The following AP1S3 variants were observed in gnomAD, a reference collection of about 807,000 sequenced individuals.
AP1S3 encodes the protein adaptor related protein complex 1 subunit sigma 3.
Under a neutral mutation model 20.9 loss-of-function variants are expected in AP1S3, and 10 were observed. The observed-to-expected ratio is 0.48, with a 90% confidence interval of 0.29 to 0.81. The LOEUF (loss-of-function observed/expected upper bound fraction) is 0.81, where lower values mean the gene tolerates loss of function less well. Among genes scored for constraint, AP1S3 ranks in the 30% least tolerant of loss-of-function variants. The probability of loss-of-function intolerance (pLI) is 0.08; values close to 1 mark genes in which losing one functional copy is unlikely to be tolerated. For missense variants in AP1S3, 154 were observed against 183.8 expected, an observed-to-expected ratio of 0.84 and a Z score of 0.94; for synonymous variants, 41 against 61.5, an observed-to-expected ratio of 0.67 and a Z score of 1.56.
At chr2:223,810,200 G>A (rs965762560) in intron 1 of AP1S3, among the ~76,000 whole-genome samples, 2 of 152,138 alleles carry the variant, frequency 1.3e-5, no homozygotes, top group Non-Finnish European at 2.9e-5. Context: ...GTTGTCTTCT[G>A]ACAAAAGCAA....
At chr2:223,758,909 A>G (rs1289540201) in intron 4 of AP1S3, among the ~76,000 whole-genome samples, 159 bp from the exon 5 acceptor site, 1 of 152,264 alleles carries the variant, frequency 6.6e-6, no homozygotes, top group Non-Finnish European at 1.5e-5. Context: ...TCAAAGTTTG[A>G]GTATAATTTG....
intron 1 of AP1S3, among the ~76,000 whole-genome samples, chr2:223,834,612 C>G (rs1319184550): frequency 6.6e-6 from 1 of 151,530 alleles, no homozygotes; most frequent in Non-Finnish European, 1.5e-5. Context: ...AAATAAATAG[C>G]TGGGCATGGT....
intron 1 of AP1S3, among the ~76,000 whole-genome samples, chr2:223,798,848 G>A (rs1185704972): frequency 1.3e-5 from 2 of 152,234 alleles, no homozygotes; most frequent in African/African-American, 2.4e-5. Flanking sequence ...AAGGTGGGCA[G>A]ATCACCTGAG....
chr2:223,772,283 T>A (rs1191946029), intron 3 of AP1S3, among the ~76,000 whole-genome samples: 1 of 152,302 alleles, frequency 6.6e-6, no homozygotes, highest in Non-Finnish European at 1.5e-5. Flanking sequence ...ATTTTTCTCA[T>A]CTGCAAAACG....
chr2:223,818,422 C>A (rs1328146631), intron 1 of AP1S3, among the ~76,000 whole-genome samples: 63 of 141,558 alleles, frequency 4.5e-4, no homozygotes, highest in Admixed American at 7.0e-4. Context: ...GACTCCATCT[C>A]AAAAAAAAAA....
intron 1 of AP1S3, among the ~76,000 whole-genome samples, chr2:223,830,838 G>A (rs1692241143): frequency 6.6e-6 from 1 of 152,184 alleles, no homozygotes; most frequent in African/African-American, 2.4e-5. Flanking sequence ...AAGCTACTGA[G>A]AGCCAGGAAT....
chr2:223,762,579 T>G (rs1690386608), intron 4 of AP1S3, among the ~76,000 whole-genome samples: 1 of 151,880 alleles, frequency 6.6e-6, no homozygotes, highest in South Asian at 2.1e-4. Flanking sequence ...AGACAGAGGG[T>G]TTAATTTTCC....
intron 1 of AP1S3, among the ~76,000 whole-genome samples, chr2:223,828,047 A>G (rs62187862): frequency 0.51 from 69,603 of 136,808 alleles, 17,788 homozygotes; most frequent in Middle Eastern, 0.61. Flanking sequence ...GTACAAGAGC[A>G]AGACTTCATC....
chr2:223,818,452 T>C (rs1372782133), intron 1 of AP1S3, among the ~76,000 whole-genome samples: 1 of 150,638 alleles, frequency 6.6e-6, no homozygotes, highest in Non-Finnish European at 1.5e-5. Flanking sequence ...GGTTCCAAGA[T>C]AATGTGGAAG....
intron 1 of AP1S3, among the ~76,000 whole-genome samples, chr2:223,836,197 C>A (rs961319943): frequency 2.0e-5 from 3 of 152,194 alleles, no homozygotes; most frequent in African/African-American, 7.2e-5. Context: ...GTGCAGGTCA[C>A]TTCCCTTCTG....
intron 3 of AP1S3, among the ~76,000 whole-genome samples, chr2:223,770,726 C>CTTTTTT (rs1194728092): frequency 5.2e-5 from 4 of 76,624 alleles, no homozygotes; most frequent in African/African-American, 8.8e-5. Flanking sequence ...TAGACCAGTT[C>CTTTTTT]ATTTTTTTTT....
At chr2:223,784,660 G>A (rs74587067) in intron 1 of AP1S3, among the ~76,000 whole-genome samples, 3,999 of 152,152 alleles carry the variant, frequency 0.026, 186 homozygotes, top group African/African-American at 0.09. Context: ...AGTGTCAAGA[G>A]TCCTATAAGT....
chr2:223,800,295 G>A (rs80134271), intron 1 of AP1S3, among the ~76,000 whole-genome samples: 2 of 151,946 alleles, frequency 1.3e-5, no homozygotes, highest in Non-Finnish European at 2.9e-5. Context: ...AGCTTCAGGA[G>A]GCTGAGGCAA....
chr2:223,757,146 T>G lies in AP1S3; in HGVS notation c.*1569A>C. 1 of 306,928 alleles carries G rather than the reference T, an allele frequency of 3.3e-6. No individual in the cohort carries two copies. Among genetic ancestry groups the G allele is most frequent in the Non-Finnish European group, 4.8e-6 (1 of 209,970 alleles). 19.0% of individuals were successfully genotyped at this position (306,928 alleles called of 1,614,324 possible). A position where few individuals can be genotyped will look rare whatever the true frequency, so the allele number is the denominator to read the frequency against. On this transcript the variant is annotated 3_prime_UTR_variant, in exon 5 of 5. Coordinates refer to ENST00000396654, the MANE Select transcript of AP1S3 (RefSeq NM_001039569.2). ...CTGGGATTACAGGCACCTGCCACCA[T>G]GCCCGGCTAATTTTTTTGTTTGTTT...
chr2:223,760,362 C>T (rs2106074527), intron 4 of AP1S3, among the ~76,000 whole-genome samples: 1 of 152,334 alleles, frequency 6.6e-6, no homozygotes, highest in African/African-American at 2.4e-5. Context: ...AGGCTACTGG[C>T]CGAGCAAGAT....
chr2:223,777,372 G>A (rs2106090162), intron 2 of AP1S3, among the ~76,000 whole-genome samples: 1 of 152,232 alleles, frequency 6.6e-6, no homozygotes, highest in South Asian at 2.1e-4. Context: ...TCCAGCCTGG[G>A]TGACAGAGCA....
At chr2:223,780,290 TATATATATATATATATATAGAGAG>T (rs1690892775) in intron 1 of AP1S3, among the ~76,000 whole-genome samples, 3 of 42,946 alleles carry the variant, frequency 7.0e-5, no homozygotes, top group Non-Finnish European at 1.2e-4. Flanking sequence ...TATATATATA[TATATATATATATATATATAGAGAG>T]AGAGAGAGAG....
intron 4 of AP1S3, among the ~76,000 whole-genome samples, chr2:223,762,861 A>G (rs913940578): frequency 6.6e-6 from 1 of 152,176 alleles, no homozygotes; most frequent in African/African-American, 2.4e-5. Flanking sequence ...CTGTTCTCAC[A>G]GCTAAAGCAA....
chr2:223,805,049 A>G (rs1691548029), intron 1 of AP1S3, among the ~76,000 whole-genome samples: 1 of 152,260 alleles, frequency 6.6e-6, no homozygotes, highest in Admixed American at 6.5e-5. Flanking sequence ...AAGTTGCCTC[A>G]GAATAGCACA....
Sources: gnomAD v4.1 joint callset for allele counts (sites outside exome capture counted in the v4.1 genomes callset) on GRCh38, gnomAD v4.1.1 for gene constraint, MANE v1.5 for transcripts, NCBI Gene and HGNC (gene_info 2026-07-23, HGNC 2026-07-21) for gene names.